KCNT2: variants seen among roughly 807,000 people sequenced by gnomAD.
KCNT2 encodes potassium sodium-activated channel subfamily T member 2.
Under a neutral mutation model 153.8 loss-of-function variants are expected in KCNT2, and 67 were observed. That is an observed-to-expected ratio of 0.44 (90% CI 0.36 to 0.53). The LOEUF is 0.53. KCNT2 is among the 20% of genes least tolerant of loss of function. The probability of loss-of-function intolerance (pLI) is 0.00; values close to 1 mark genes in which losing one functional copy is unlikely to be tolerated. For synonymous variants in KCNT2, 500 were observed against 458.8 expected (o/e 1.09, Z -1.15); for missense variants, 975 against 1,354.8 (o/e 0.72, Z 4.40).
intron 25 of KCNT2, among the ~76,000 whole-genome samples, chr1:196,276,851 T>C (rs1318990752): frequency 2.6e-5 from 4 of 152,098 alleles, no homozygotes; most frequent in African/African-American, 7.2e-5. Context: ...AATAGTACCT[T>C]GTATGTGACC....
intron 1 of KCNT2, among the ~76,000 whole-genome samples, chr1:196,560,699 T>G (rs1458100123): frequency 6.6e-6 from 1 of 151,582 alleles, no homozygotes; most frequent in Non-Finnish European, 1.5e-5. Context: ...TGATGTTTTT[T>G]CTTCCCCCCT....
intron 4 of KCNT2, among the ~76,000 whole-genome samples, chr1:196,481,770 A>G (rs1679040293): frequency 6.6e-6 from 1 of 152,168 alleles, no homozygotes; most frequent in African/African-American, 2.4e-5. Flanking sequence ...TATAAATCAG[A>G]CATCTTGTGC....
intron 16 of KCNT2, among the ~76,000 whole-genome samples, chr1:196,335,963 A>AT (rs1664985056): frequency 6.6e-6 from 1 of 151,872 alleles, no homozygotes; most frequent in African/African-American, 2.4e-5. Context: ...CATTATGATT[A>AT]TTTTCTTGCA....
chr1:196,517,119 A>AGGCT, intron 1 of KCNT2, among the ~76,000 whole-genome samples: 1 of 152,152 alleles, frequency 6.6e-6, no homozygotes, highest in South Asian at 2.1e-4. Context: ...CGGCAACCAG[A>AGGCT]GGCTGGTCCA....
At chr1:196,449,818 AAG>A (rs1366046606) in intron 8 of KCNT2, among the ~76,000 whole-genome samples, 2 of 151,754 alleles carry the variant, frequency 1.3e-5, no homozygotes, top group East Asian at 3.9e-4. Context: ...ATAAAGAAAA[AAG>A]AATAAAAAAT....
chr1:196,286,612 G>A (rs984100175), intron 22 of KCNT2, among the ~76,000 whole-genome samples: 1 of 144,598 alleles, frequency 6.9e-6, no homozygotes, highest in Non-Finnish European at 1.5e-5. Context: ...CTAATCTTCT[G>A]TATATCACAC....
chr1:196,245,280 C>T (rs543488984), intron 26 of KCNT2, among the ~76,000 whole-genome samples: 98 of 151,884 alleles, frequency 6.5e-4, no homozygotes, highest in African/African-American at 2.0e-3. Context: ...TGCTTGAGCC[C>T]GGGAGTTTGA....
rs116852258 is a variant in KCNT2 at position 196,307,044 on chromosome 1, C to T, written c.2484-1699G>A. Among the ~76,000 whole-genome samples the T allele has an allele frequency of 8.7e-4, 132 of 151,918 alleles. 3 individuals are homozygous for T. In the East Asian group the frequency reaches 0.023, roughly 26 times the overall value. ...AATAATATCAGGAAAACAACAACCACGATATAATTTCTTTTGCTGACTTTT... is the reference window on the plus strand; with the variant it reads ...AATAATATCAGGAAAACAACAACCATGATATAATTTCTTTTGCTGACTTTT... On this transcript the variant is annotated intron_variant, in intron 21 of 27. Coordinates refer to ENST00000294725, the MANE Select transcript of KCNT2 (RefSeq NM_198503.5).
rs1350488231 is a variant in KCNT2, at chr1:196,255,275, C to T, written c.3211+2919G>A. Among the ~76,000 whole-genome samples, 11 of 151,566 alleles carry T rather than the reference C, an allele frequency of 7.3e-5. 1 individual carries two copies. Among genetic ancestry groups the T allele is most frequent in the Admixed American group, 6.6e-4 (10 of 15,202 alleles). ...GACAATTATAACTAACACATCATAC[C>T]CCTGGGAAATACTTTATTATCTTCA... On this transcript the variant is annotated intron_variant, in intron 26 of 27. Coordinates refer to ENST00000294725, the MANE Select transcript of KCNT2 (RefSeq NM_198503.5).
At chr1:196,511,968 CACTG>C (rs1224613127) in intron 1 of KCNT2, among the ~76,000 whole-genome samples, 2 of 152,164 alleles carry the variant, frequency 1.3e-5, no homozygotes, top group African/African-American at 2.4e-5. Flanking sequence ...GGTCTGAAAT[CACTG>C]ACTAATTTCT....
chr1:196,456,289 A>C (rs372400032), intron 8 of KCNT2, among the ~76,000 whole-genome samples: 49 of 151,952 alleles, frequency 3.2e-4, no homozygotes, highest in African/African-American at 1.2e-3. Flanking sequence ...AGTATGTTTA[A>C]AGATCCATTT....
intron 24 of KCNT2, among the ~76,000 whole-genome samples, chr1:196,281,993 C>A (rs1361354478): frequency 6.6e-6 from 1 of 151,982 alleles, no homozygotes; most frequent in Non-Finnish European, 1.5e-5. Context: ...TCATGATCCA[C>A]CCGCCTCAGC....
chr1:196,603,688 G>A (rs1664993424), intron 1 of KCNT2, among the ~76,000 whole-genome samples: 1 of 152,100 alleles, frequency 6.6e-6, no homozygotes, highest in Admixed American at 6.5e-5. Flanking sequence ...AAATACAAAA[G>A]GTATGCATGA....
At chr1:196,319,917 AT>A (rs1021191374) in intron 19 of KCNT2, among the ~76,000 whole-genome samples, 1 of 151,774 alleles carries the variant, frequency 6.6e-6, no homozygotes, top group African/African-American at 2.4e-5. Context: ...AAACTAATGC[AT>A]TTTTTTAGAT....
At chr1:196,456,679 G>A (rs1396124271) in intron 8 of KCNT2, among the ~76,000 whole-genome samples, 3 of 151,828 alleles carry the variant, frequency 2.0e-5, no homozygotes, top group African/African-American at 7.3e-5. Context: ...TTTTGACTTT[G>A]TTCATACCAC....
intron 1 of KCNT2, among the ~76,000 whole-genome samples, chr1:196,586,595 T>C (rs1158576774): frequency 6.6e-6 from 1 of 152,056 alleles, no homozygotes; most frequent in African/African-American, 2.4e-5. Context: ...ACTCTGCTAT[T>C]GGAAAACCCA....
At chr1:196,493,636 G>A (rs144443748) in intron 1 of KCNT2, among the ~76,000 whole-genome samples, 267 of 152,078 alleles carry the variant, frequency 1.8e-3, no homozygotes, top group Middle Eastern at 6.8e-3. Flanking sequence ...CATGCCATGT[G>A]TATGGTTTGC....
intron 24 of KCNT2, among the ~76,000 whole-genome samples, chr1:196,281,443 T>C (rs1659085504): frequency 6.6e-6 from 1 of 152,202 alleles, no homozygotes; most frequent in Non-Finnish European, 1.5e-5. Flanking sequence ...GGTATGCTGA[T>C]GTTACCAAAT....
At chr1:196,258,742 T>G in intron 25 of KCNT2, 1 of 480,924 alleles carries the variant, frequency 2.1e-6, no homozygotes, top group Non-Finnish European at 3.8e-6. Context: ...TTTATGAAAG[T>G]ATTTAATTTT....
Sources: gnomAD v4.1 joint callset for allele counts (sites outside exome capture counted in the v4.1 genomes callset) on GRCh38, gnomAD v4.1.1 for gene constraint, MANE v1.5 for transcripts, NCBI Gene and HGNC (gene_info 2026-07-23, HGNC 2026-07-21) for gene names.